Variants in EPHB1 observed in about 807,000 individuals in gnomAD.
The protein encoded by EPHB1 is EPH receptor B1.
In EPHB1, 30 loss-of-function variants were observed where a neutral mutation model predicts 94.4. The observed-to-expected ratio is 0.32, with a 90% CI of 0.24 to 0.43. The LOEUF (loss-of-function observed/expected upper bound fraction) is 0.43, where lower values mean the gene tolerates loss of function less well. Among genes scored for constraint, EPHB1 ranks in the 20% least tolerant of loss-of-function variants. EPHB1 has a pLI of 1.00. For missense variants in EPHB1, 1,055 were observed against 1,308.3 expected (o/e 0.81, Z 2.99); for synonymous variants, 522 against 489.1 (o/e 1.07, Z -0.89).
chr3:135,037,333 C>A (rs1184878036), intron 3 of EPHB1, among the ~76,000 whole-genome samples: 3 of 152,192 alleles, frequency 2.0e-5, no homozygotes, highest in African/African-American at 7.2e-5. Context: ...CTGGTCTTGG[C>A]CTTGAAAACT....
intron 3 of EPHB1, among the ~76,000 whole-genome samples, chr3:135,019,626 G>A (rs1227694974): frequency 6.6e-6 from 1 of 152,214 alleles, no homozygotes; most frequent in Non-Finnish European, 1.5e-5. Context: ...CATTGTGTGT[G>A]TATGGGATCA....
At chr3:134,833,038 G>T (rs1334363905) in intron 1 of EPHB1, among the ~76,000 whole-genome samples, 1 of 152,178 alleles carries the variant, frequency 6.6e-6, no homozygotes, top group Non-Finnish European at 1.5e-5. Flanking sequence ...GAAGAGTCTT[G>T]AATATTTGCA....
At chr3:134,962,950 C>T (rs574997786) in intron 3 of EPHB1, among the ~76,000 whole-genome samples, 1 of 152,328 alleles carries the variant, frequency 6.6e-6, no homozygotes, top group South Asian at 2.1e-4. Context: ...CTTGTCTCTG[C>T]CAGGGGTGTT....
chr3:135,135,722 G>A (rs1262124689), intron 5 of EPHB1, among the ~76,000 whole-genome samples: 2 of 152,148 alleles, frequency 1.3e-5, no homozygotes, highest in African/African-American at 4.8e-5. Context: ...TACTGTTTGA[G>A]TCATGAGTAG....
At chr3:135,103,662 A>C (rs1939106773) in intron 3 of EPHB1, among the ~76,000 whole-genome samples, 1 of 152,212 alleles carries the variant, frequency 6.6e-6, no homozygotes. Context: ...GCCAGTGTTC[A>C]CCAAGCTAGG....
chr3:135,229,641 A>G (rs1219456487), intron 12 of EPHB1, among the ~76,000 whole-genome samples: 1 of 152,150 alleles, frequency 6.6e-6, no homozygotes, highest in Non-Finnish European at 1.5e-5. Flanking sequence ...AACACCCCAC[A>G]GCCTTCCCAC....
intron 2 of EPHB1, among the ~76,000 whole-genome samples, chr3:134,944,374 A>G (rs1484983478): frequency 6.6e-6 from 1 of 152,324 alleles, no homozygotes; most frequent in East Asian, 1.9e-4. Context: ...CCACTTGACA[A>G]CAAAGGGTCT....
chr3:135,151,369 G>A (rs1297038259), intron 5 of EPHB1, among the ~76,000 whole-genome samples: 2 of 151,916 alleles, frequency 1.3e-5, no homozygotes, highest in African/African-American at 4.8e-5. Context: ...CCTTTGTCCT[G>A]GCTGCTCCAG....
intron 1 of EPHB1, among the ~76,000 whole-genome samples, chr3:134,823,431 C>T (rs2036419135): frequency 6.6e-6 from 1 of 152,192 alleles, no homozygotes; most frequent in Non-Finnish European, 1.5e-5. Context: ...AAAGCTCACA[C>T]AAACTCTTAA....
chr3:134,870,898 T>A (rs2037485494), intron 1 of EPHB1, among the ~76,000 whole-genome samples: 1 of 152,228 alleles, frequency 6.6e-6, no homozygotes, highest in African/African-American at 2.4e-5. Flanking sequence ...CTTGTTTATA[T>A]GGCATAAGAA....
At chr3:134,959,024 C>T (rs760301117) in intron 3 of EPHB1, among the ~76,000 whole-genome samples, 3 of 152,160 alleles carry the variant, frequency 2.0e-5, no homozygotes, top group Non-Finnish European at 4.4e-5. Flanking sequence ...GATTTGGCAG[C>T]GTCCCATGCA....
chr3:135,032,163 G>T (rs1184279693), intron 3 of EPHB1, among the ~76,000 whole-genome samples: 1 of 150,876 alleles, frequency 6.6e-6, no homozygotes, highest in Non-Finnish European at 1.5e-5. Flanking sequence ...AGTGCTTTTT[G>T]GATAACTTCT....
At chr3:135,148,480 T>A (rs977768455) in intron 5 of EPHB1, among the ~76,000 whole-genome samples, 10 of 152,092 alleles carry the variant, frequency 6.6e-5, no homozygotes, top group African/African-American at 2.2e-4. Context: ...CAGTTCCCTT[T>A]GGGACCGTTT....
chr3:134,839,332 T>C (rs1052002667), intron 1 of EPHB1, among the ~76,000 whole-genome samples: 2 of 152,214 alleles, frequency 1.3e-5, no homozygotes, highest in African/African-American at 4.8e-5. Context: ...CATGTAGTTG[T>C]TAGATGACTA....
At chr3:135,118,806 T>A (rs1156949070) in intron 4 of EPHB1, among the ~76,000 whole-genome samples, 1 of 152,118 alleles carries the variant, frequency 6.6e-6, no homozygotes, top group Non-Finnish European at 1.5e-5. Flanking sequence ...AGTATACAGT[T>A]CCCCATGGGT....
At chr3:135,192,433 T>C (rs1399966911) in intron 10 of EPHB1, 143 bp from the exon 11 acceptor site, 2 of 960,878 alleles carry the variant, frequency 2.1e-6, no homozygotes, top group African/African-American at 2.2e-5. Flanking sequence ...ACAATATAGT[T>C]ACAATGAGAG....
intron 3 of EPHB1, among the ~76,000 whole-genome samples, chr3:135,027,734 C>T (rs1936242582): frequency 7.0e-6 from 1 of 142,152 alleles, no homozygotes; most frequent in African/African-American, 2.5e-5. Context: ...TGATGCTGGC[C>T]TCATAAAATG....
chr3:135,005,464 C>T (rs1935363976), intron 3 of EPHB1, among the ~76,000 whole-genome samples: 1 of 152,230 alleles, frequency 6.6e-6, no homozygotes, highest in Non-Finnish European at 1.5e-5. Context: ...GGCAGGCCTC[C>T]TTGAGCTGTG....
chr3:134,981,049 C>T (rs187355410), intron 3 of EPHB1, among the ~76,000 whole-genome samples: 2 of 152,194 alleles, frequency 1.3e-5, no homozygotes, highest in Admixed American at 6.5e-5. Context: ...TCAGACCTTA[C>T]AGGATCATCT....
Sources: allele counts gnomAD v4.1 joint callset (sites outside exome capture counted in the v4.1 genomes callset), GRCh38; gene constraint gnomAD v4.1.1; transcripts MANE v1.5; gene names NCBI Gene and HGNC (gene_info 2026-07-23, HGNC 2026-07-21).